Variants in AKAP13 observed in about 807,000 individuals in gnomAD.
AKAP13 encodes the protein A-kinase anchoring protein 13.
AKAP13 carries 80 observed loss-of-function variants against 264.5 expected under a neutral mutation model. The ratio of observed to expected loss-of-function variants is 0.30; its 90% CI spans 0.25 to 0.36. The LOEUF (loss-of-function observed/expected upper bound fraction) is 0.36. AKAP13 is among the 10% of genes least tolerant of loss of function. The pLI, the probability that AKAP13 is intolerant of heterozygous loss-of-function variation, is 1.00. For synonymous variants in AKAP13, 1,380 were observed against 1,250.2 expected (o/e 1.10, Z -2.19); for missense variants, 3,712 against 3,435.2 (o/e 1.08, Z -2.01).
intron 1 of AKAP13, among the ~76,000 whole-genome samples, chr15:85,408,494 C>T (rs1003767273): frequency 1.3e-5 from 2 of 151,642 alleles, no homozygotes; most frequent in African/African-American, 2.4e-5. Context: ...CTCTCTCCTC[C>T]GTGTCCCTGG....
intron 1 of AKAP13, among the ~76,000 whole-genome samples, chr15:85,464,041 T>G (rs1244436978): frequency 6.6e-6 from 1 of 152,220 alleles, no homozygotes; most frequent in East Asian, 1.9e-4. Context: ...TGTTCCTACT[T>G]CTTTTTGTCC....
At chr15:85,390,497 A>G (rs539399502) in intron 1 of AKAP13, among the ~76,000 whole-genome samples, 1 of 152,302 alleles carries the variant, frequency 6.6e-6, no homozygotes, top group East Asian at 1.9e-4. Flanking sequence ...TAAGGTTTGT[A>G]TGTGTAGCCA....
intron 4 of AKAP13, among the ~76,000 whole-genome samples, chr15:85,538,966 G>A (rs1209963439): frequency 6.7e-6 from 1 of 150,178 alleles, no homozygotes; most frequent in Non-Finnish European, 1.5e-5. Context: ...GAGTAGCTGG[G>A]ACTACAGGTG....
chr15:85,582,920 G>A (rs2079183632), intron 7 of AKAP13: 1 of 985,376 alleles, frequency 1.0e-6, no homozygotes, highest in Admixed American at 6.1e-5. Context: ...TCACACAGCA[G>A]CCTGTTCCAT....
rs968801251 is a variant in AKAP13 at position 85,716,988 on chromosome 15, G to A, written c.5736-302G>A. 2.6e-5 allele frequency among the ~76,000 whole-genome samples: 4 copies of A among 152,192 alleles called. No individual in the cohort carries two copies. In the East Asian group the frequency reaches 5.8e-4, roughly 22 times the overall value. On this transcript the variant is annotated intron_variant, in intron 20 of 36. Transcript: ENST00000394518. ...TTGGTTAGGCAATAAGTTTTAAACA[G>A]AAAGTTTCTTATATAATGTGTACAT...
intron 23 of AKAP13, 48 bp from the exon 24 acceptor site, chr15:85,721,941 TTA>T (rs1567213709): frequency 1.2e-6 from 2 of 1,607,412 alleles, no homozygotes; most frequent in Non-Finnish European, 1.7e-6. Context: ...CAAAATGGTA[TTA>T]TGAGTTTGGC....
In AKAP13 at chr15:85,581,046, C is replaced by A. The variant is rs773348121; in HGVS notation, c.2978C>A (p.Ala993Glu). The change falls in exon 7 of 37, where the codon GCA becomes GAA. Residue 993 changes from alanine to glutamate, a missense_variant. Coordinates refer to ENST00000394518, the MANE Select transcript of AKAP13 (RefSeq NM_007200.5). ...SPGASSAFLKAETEHNKEVAP... is the reference protein window; with the variant it reads ...SPGASSAFLKEETEHNKEVAP... Reference sequence around the variant, plus strand: ...GGTGCATCCTCTGCCTTTCTTAAGGCAGAAACTGAACATAACAAGGAAGTG... The same window carrying A: ...GGTGCATCCTCTGCCTTTCTTAAGGAAGAAACTGAACATAACAAGGAAGTG... The A allele has an allele frequency of 3.7e-6, 6 of 1,613,782 alleles. No individual in the cohort carries two copies. Among genetic ancestry groups the A allele is most frequent in the Admixed American group, 1.7e-5 (1 of 59,994 alleles).
chr15:85,735,503 C>T, intron 31 of AKAP13, 57 bp from the exon 32 acceptor site: 1 of 1,551,866 alleles, frequency 6.4e-7, no homozygotes. Flanking sequence ...GATATTCTTT[C>T]CTTGGCTAAT....
chr15:85,622,122 G>C (rs1034228455), intron 8 of AKAP13, among the ~76,000 whole-genome samples: 1 of 152,090 alleles, frequency 6.6e-6, no homozygotes, highest in African/African-American at 2.4e-5. Context: ...TGCGAGCCAC[G>C]GGTTACAGTC....
intron 1 of AKAP13, among the ~76,000 whole-genome samples, chr15:85,433,252 C>G (rs569888625): frequency 6.6e-6 from 1 of 151,524 alleles, no homozygotes; most frequent in African/African-American, 2.4e-5. Context: ...CTTTTCCTCT[C>G]AATTCCAACA....
At chr15:85,560,128 TAAAAAAAAA>T (rs55715424) in intron 5 of AKAP13, among the ~76,000 whole-genome samples, 4 of 54,578 alleles carry the variant, frequency 7.3e-5, no homozygotes, top group Non-Finnish European at 1.0e-4. Flanking sequence ...TGTCTCCACC[TAAAAAAAAA>T]AAAAAAAAAA....
intron 4 of AKAP13, among the ~76,000 whole-genome samples, chr15:85,540,509 G>T (rs1394332855): frequency 2.0e-5 from 3 of 152,148 alleles, no homozygotes; most frequent in African/African-American, 7.2e-5. Context: ...TGGGGACAAA[G>T]GACTCAGTTG....
intron 3 of AKAP13, among the ~76,000 whole-genome samples, chr15:85,525,241 G>A (rs2076991478): frequency 6.6e-6 from 1 of 151,906 alleles, no homozygotes; most frequent in Admixed American, 6.6e-5. Context: ...TGTATTTTTA[G>A]TAGAGACAGG....
intron 1 of AKAP13, among the ~76,000 whole-genome samples, chr15:85,414,967 G>T (rs1821997295): frequency 6.6e-6 from 1 of 152,178 alleles, no homozygotes; most frequent in Non-Finnish European, 1.5e-5. Flanking sequence ...TCACCTAAGT[G>T]TAACTTCAGA....
At chr15:85,402,236 C>T (rs2071458907) in intron 1 of AKAP13, among the ~76,000 whole-genome samples, 2 of 152,236 alleles carry the variant, frequency 1.3e-5, no homozygotes, top group South Asian at 4.1e-4. Context: ...TGGTGCTACA[C>T]AGAGTAGTTC....
At position 85,727,242 on chromosome 15, in the gene AKAP13, C is replaced by T. The variant is rs1316766123; in HGVS notation, c.6999C>T (p.Asn2333=). ...SWIQIIQDTI[N]TLNRDEDEGI... ...TTCAGATCATTCAGGACACAATCAA[C>T]ACCCTGTAAGTTAACCACCAGGCCC... The change falls in exon 28 of 37, where the codon AAC becomes AAT. Residue 2333 remains asparagine, a synonymous_variant. Transcript: ENST00000394518. This position sits in a 1 kb window ranked among gnomAD's most constrained non-coding sequence, Gnocchi z 5.3. 16 of 1,614,036 alleles carry T rather than the reference C, an allele frequency of 9.9e-6. No individual in the cohort carries two copies. The highest frequency in any genetic ancestry group is 3.3e-5 in the Admixed American group (2 of 60,000).
chr15:85,559,792 T>G (rs1000544255), intron 5 of AKAP13, among the ~76,000 whole-genome samples: 6 of 129,298 alleles, frequency 4.6e-5, no homozygotes, highest in Non-Finnish European at 8.5e-5. Context: ...TAGCCTGCAC[T>G]TACTTCCTAC....
chr15:85,577,808 A>G (rs1487980463), intron 6 of AKAP13: 14 of 985,420 alleles, frequency 1.4e-5, no homozygotes, highest in Non-Finnish European at 1.7e-5. Context: ...TTATGACCCC[A>G]TAACTCGATG....
intron 4 of AKAP13, chr15:85,534,088 C>A: frequency 1.9e-6 from 1 of 530,332 alleles, no homozygotes. Flanking sequence ...GCGAAATGAC[C>A]CTAGGGATTA....
Sources: gnomAD v4.1 joint callset for allele counts (sites outside exome capture counted in the v4.1 genomes callset) on GRCh38, gnomAD v4.1.1 for gene constraint, Gnocchi (gnomAD v3.1) non-coding constraint, MANE v1.5 for transcripts, NCBI Gene and HGNC (gene_info 2026-07-23, HGNC 2026-07-21) for gene names.